Variants in PALM2AKAP2 observed in about 807,000 individuals in gnomAD.
PALM2AKAP2 encodes PALM2 and AKAP2 fusion, also known as PALM2-AKAP2 fusion protein.
In PALM2AKAP2, 37 loss-of-function variants were observed where a neutral mutation model predicts 71.5. The observed-to-expected ratio is 0.52, with a 90% CI of 0.40 to 0.68. The LOEUF (loss-of-function observed/expected upper bound fraction) is 0.68. Among genes scored for constraint, PALM2AKAP2 ranks in the 30% least tolerant of loss-of-function variants. PALM2AKAP2 has a pLI of 0.00. For missense variants in PALM2AKAP2, 1,224 were observed against 1,191.8 expected, an observed-to-expected ratio of 1.03 and a Z score of -0.40; for synonymous variants, 468 against 478.8, an observed-to-expected ratio of 0.98 and a Z score of 0.29.
At chr9:109,923,683 C>T (rs946503644) in intron 3 of PALM2AKAP2, 52 bp from the exon 4 acceptor site, 25 of 1,520,498 alleles carry the variant, frequency 1.6e-5, no homozygotes, top group Middle Eastern at 1.7e-4. Context: ...CTCTCTTGCC[C>T]GTGGATGGCA....
At chr9:109,708,074 A>G (rs1306467295) in intron 1 of PALM2AKAP2, among the ~76,000 whole-genome samples, 1 of 152,000 alleles carries the variant, frequency 6.6e-6, no homozygotes, top group Non-Finnish European at 1.5e-5. Flanking sequence ...TCCCTCCACT[A>G]TCTTTCTTCT....
In PALM2AKAP2 at chr9:109,811,127, A is replaced by T. The variant is rs192498296; in HGVS notation, c.45+30594A>T. Reference sequence around the variant, plus strand: ...TACCTCCAACGGCTCCCCTGTGATTAGGGATCTTGAATTTAAATAAGAGCA... The same window carrying T: ...TACCTCCAACGGCTCCCCTGTGATTTGGGATCTTGAATTTAAATAAGAGCA... On this transcript the variant is annotated intron_variant, in intron 1 of 9. Coordinates refer to the PALM2AKAP2 transcript ENST00000302798. Among the ~76,000 whole-genome samples the T allele has an allele frequency of 3.3e-5, 5 of 152,352 alleles. No individual in the cohort carries two copies. In the East Asian group the frequency reaches 9.6e-4, roughly 29 times the overall value.
intron 1 of PALM2AKAP2, among the ~76,000 whole-genome samples, chr9:109,735,516 A>G (rs758360204): frequency 2.0e-5 from 3 of 152,242 alleles, no homozygotes; most frequent in East Asian, 1.9e-4. Context: ...TTAATCTTCA[A>G]TGCTATGGAA....
intron 5 of PALM2AKAP2, 58 bp from the exon 6 acceptor site, chr9:109,931,869 G>T: frequency 1.9e-6 from 3 of 1,581,182 alleles, no homozygotes; most frequent in South Asian, 2.3e-5. Flanking sequence ...TCTCGGCAGT[G>T]AACCCATTGG....
intron 6 of PALM2AKAP2, among the ~76,000 whole-genome samples, chr9:109,986,014 A>C (rs982516001): frequency 1.3e-5 from 2 of 152,170 alleles, no homozygotes; most frequent in African/African-American, 2.4e-5. Flanking sequence ...TCACCTCATT[A>C]AACTGGCTCC....
chr9:109,683,172 A>G (rs1028960021), intron 1 of PALM2AKAP2, among the ~76,000 whole-genome samples: 1 of 152,190 alleles, frequency 6.6e-6, no homozygotes, highest in African/African-American at 2.4e-5. Context: ...GCCTCCCCAG[A>G]AGCCGAGCAG....
chr9:109,769,828 C>T (rs1271843164), intron 1 of PALM2AKAP2, among the ~76,000 whole-genome samples: 1 of 152,042 alleles, frequency 6.6e-6, no homozygotes, highest in African/African-American at 2.4e-5. Context: ...GAATAGAAAG[C>T]ACTTTCAAGC....
chr9:109,786,098 G>C (rs1826958530), intron 1 of PALM2AKAP2, among the ~76,000 whole-genome samples: 1 of 152,242 alleles, frequency 6.6e-6, no homozygotes, highest in South Asian at 2.1e-4. Flanking sequence ...TTACAGAGAA[G>C]TGCTCATTGG....
At chr9:109,791,475 C>T (rs74573190) in intron 1 of PALM2AKAP2, among the ~76,000 whole-genome samples, 2,365 of 152,238 alleles carry the variant, frequency 0.016, 66 homozygotes, top group African/African-American at 0.054. Context: ...CCTTTTCCAG[C>T]CTTCCTCCAG....
intron 2 of PALM2AKAP2, among the ~76,000 whole-genome samples, chr9:109,870,567 G>C (rs1434112726): frequency 6.6e-6 from 1 of 152,164 alleles, no homozygotes; most frequent in African/African-American, 2.4e-5. Context: ...TTATTACTCT[G>C]TCTTACAGCT....
intron 1 of PALM2AKAP2, among the ~76,000 whole-genome samples, chr9:109,756,159 A>T (rs1467066732): frequency 6.6e-6 from 1 of 152,186 alleles, no homozygotes; most frequent in African/African-American, 2.4e-5. Context: ...ATACATACAG[A>T]TACCAACAGT....
At chr9:109,729,982 T>C (rs555306881) in intron 1 of PALM2AKAP2, among the ~76,000 whole-genome samples, 15 of 152,234 alleles carry the variant, frequency 9.9e-5, no homozygotes, top group Non-Finnish European at 1.9e-4. Context: ...CTTGTTTGCA[T>C]ACAACAAGCG....
At chr9:109,729,559 A>G (rs538941481) in intron 1 of PALM2AKAP2, among the ~76,000 whole-genome samples, 1 of 152,326 alleles carries the variant, frequency 6.6e-6, no homozygotes, top group East Asian at 1.9e-4. Context: ...AGATTAATTA[A>G]TTGAAGAAAT....
At chr9:109,703,853 G>A (rs1037678163) in intron 1 of PALM2AKAP2, among the ~76,000 whole-genome samples, 7 of 152,138 alleles carry the variant, frequency 4.6e-5, no homozygotes, top group African/African-American at 1.7e-4. Context: ...AGTTTATGCA[G>A]TCCTTGGATA....
intron 2 of PALM2AKAP2, among the ~76,000 whole-genome samples, chr9:109,876,826 GTTGGGAT>G (rs1829733336): frequency 6.6e-6 from 1 of 152,070 alleles, no homozygotes; most frequent in Admixed American, 6.5e-5. Flanking sequence ...GGCTCCTCCT[GTTGGGAT>G]GTTCTTAATG....
intron 1 of PALM2AKAP2, among the ~76,000 whole-genome samples, chr9:109,752,251 A>G (rs576056941): frequency 6.6e-6 from 1 of 152,132 alleles, no homozygotes; most frequent in Non-Finnish European, 1.5e-5. Flanking sequence ...GGTAGAATGC[A>G]AGAAGACTTC....
At chr9:110,096,359 G>A (rs1834835974) in intron 1 of PALM2AKAP2, among the ~76,000 whole-genome samples, 1 of 152,018 alleles carries the variant, frequency 6.6e-6, no homozygotes, top group Non-Finnish European at 1.5e-5. Flanking sequence ...AACCTCCTGG[G>A]CTCAAGCGAT....
At chr9:110,114,600 C>T (rs765495371) in intron 1 of PALM2AKAP2, among the ~76,000 whole-genome samples, 5 of 152,172 alleles carry the variant, frequency 3.3e-5, no homozygotes, top group African/African-American at 7.2e-5. Flanking sequence ...CAAACCCTGA[C>T]CTGCTTTTCT....
chr9:110,030,875 C>T (rs766847626), intron 7 of PALM2AKAP2, among the ~76,000 whole-genome samples: 11 of 152,338 alleles, frequency 7.2e-5, no homozygotes, highest in African/African-American at 9.6e-5. Context: ...CTGCATACCA[C>T]GAGCTGGTCT....
Sources: allele counts gnomAD v4.1 joint callset (sites outside exome capture counted in the v4.1 genomes callset), GRCh38; gene constraint gnomAD v4.1.1; transcripts MANE v1.5; gene names NCBI Gene and HGNC (gene_info 2026-07-23, HGNC 2026-07-21).